TRIM44: variants seen among roughly 807,000 people sequenced by gnomAD.
TRIM44 encodes tripartite motif containing 44.
Under a neutral mutation model 37.4 loss-of-function variants are expected in TRIM44, and 13 were observed. That is an observed-to-expected ratio of 0.35 (90% CI 0.23 to 0.55). The LOEUF is 0.55. Ranked by LOEUF, TRIM44 falls within the 20% of genes least tolerant of loss-of-function variation. TRIM44 has a pLI of 0.89. For synonymous variants in TRIM44, 175 were observed against 157.2 expected (o/e 1.11, Z -0.85); for missense variants, 426 against 437.2 (o/e 0.97, Z 0.23).
At chr11:35,798,813 T>C (rs1853328036) in intron 4 of TRIM44, among the ~76,000 whole-genome samples, 1 of 152,218 alleles carries the variant, frequency 6.6e-6, no homozygotes. Flanking sequence ...AAGGAGACTG[T>C]CAAGTATGAG....
intron 4 of TRIM44, among the ~76,000 whole-genome samples, chr11:35,785,442 C>T (rs1044045441): frequency 1.3e-5 from 2 of 152,242 alleles, no homozygotes; most frequent in Non-Finnish European, 1.5e-5. Context: ...GCAGCGTTGC[C>T]TTCAGGTTTC....
chr11:35,812,296 T>C lies in TRIM44; in HGVS notation c.*5911T>C, dbSNP rs1853537461. Reference sequence around the variant, plus strand: ...AGAGTTAGAGACACCCAACAGAAAGTCGTAATAAGAGAAGATGTCACAGAA... The same window carrying C: ...AGAGTTAGAGACACCCAACAGAAAGCCGTAATAAGAGAAGATGTCACAGAA... On this transcript the variant is annotated 3_prime_UTR_variant, in exon 5 of 5. Coordinates refer to ENST00000299413, the MANE Select transcript of TRIM44 (RefSeq NM_017583.6). 1 of 152,096 alleles carries C rather than the reference T, an allele frequency of 6.6e-6. No homozygotes were observed. The highest frequency in any genetic ancestry group is 1.5e-5 in the Non-Finnish European group (1 of 68,028). 9.4% of individuals were successfully genotyped at this position (152,096 alleles called of 1,614,324 possible).
intron 4 of TRIM44, among the ~76,000 whole-genome samples, chr11:35,787,632 G>A (rs1298088505): frequency 6.6e-6 from 1 of 152,148 alleles, no homozygotes; most frequent in Non-Finnish European, 1.5e-5. Context: ...GCTAATCAGG[G>A]CTGTAAGTGA....
chr11:35,796,236 A>T (rs1722052330), intron 4 of TRIM44, among the ~76,000 whole-genome samples: 1 of 147,592 alleles, frequency 6.8e-6, no homozygotes, highest in South Asian at 2.3e-4. Flanking sequence ...GCGCGCGCGC[A>T]CGTGTGTGTA....
intron 1 of TRIM44, among the ~76,000 whole-genome samples, chr11:35,670,896 C>T (rs1001008708): frequency 6.6e-6 from 1 of 152,182 alleles, no homozygotes; most frequent in African/African-American, 2.4e-5. Context: ...AGAAGCTGCT[C>T]ATTTTGATTC....
rs1590620771 is a variant in TRIM44 at position 35,815,293 on chromosome 11, T to G, written c.*8908T>G. ...TTGGAAGTAACTTTTCTATATTTGG[T>G]TTCTCTCCACACATTATGAGACCTT... On this transcript the variant is annotated 3_prime_UTR_variant, in exon 5 of 5. Coordinates refer to ENST00000299413, the MANE Select transcript of TRIM44 (RefSeq NM_017583.6). 1 of 152,278 alleles carries G rather than the reference T, an allele frequency of 6.6e-6. No individual in the cohort carries two copies. The highest frequency in any genetic ancestry group is 1.9e-4 in the East Asian group (1 of 5,184). 9.4% of individuals were successfully genotyped at this position (152,278 alleles called of 1,614,324 possible).
chr11:35,721,442 A>C (rs1418948760), intron 2 of TRIM44, among the ~76,000 whole-genome samples: 5 of 152,240 alleles, frequency 3.3e-5, no homozygotes, highest in Non-Finnish European at 7.3e-5. Context: ...CAGTAACAAC[A>C]GCAATAGTAA....
At position 35,685,670 on chromosome 11, in the gene TRIM44, C is replaced by CT. The variant is rs1386402558; in HGVS notation, c.747+345dup. On this transcript the variant is annotated intron_variant, in intron 2 of 4. Transcript: ENST00000299413. ...GGCGTCTGAGAGAAATACAGATCAT[C>CT]TTTTTTTTTTTGAGACAGAGTCTCG... Among the ~76,000 whole-genome samples the CT allele has an allele frequency of 7.9e-3, 1,171 of 147,310 alleles. 6 individuals carry two copies. Among genetic ancestry groups the CT allele is most frequent in the Middle Eastern group, 0.014 (4 of 290 alleles).
In TRIM44 at chr11:35,806,569, GCTT is replaced by G; in HGVS notation, c.*187_*189del. ...ATGACCAGTTTTATGCTTACTGTGT[GCTT>G]CTCATCCCCTGGTTGTGGTAGGTCA... On this transcript the variant is annotated 3_prime_UTR_variant, in exon 5 of 5. Coordinates refer to ENST00000299413, the MANE Select transcript of TRIM44 (RefSeq NM_017583.6). 1 of 619,232 alleles carries G rather than the reference GCTT, an allele frequency of 1.6e-6. No individual in the cohort carries two copies. The highest frequency in any genetic ancestry group is 2.9e-6 in the Non-Finnish European group (1 of 350,474). 38.4% of individuals were successfully genotyped at this position (619,232 alleles called of 1,614,324 possible).
intron 4 of TRIM44, among the ~76,000 whole-genome samples, chr11:35,748,057 T>C (rs1852512826): frequency 6.6e-6 from 1 of 152,150 alleles, no homozygotes; most frequent in Non-Finnish European, 1.5e-5. Context: ...AGTGAAGGGT[T>C]GAATCCCTAG....
At position 35,674,235 on chromosome 11, in the gene TRIM44, C is replaced by CGT. The variant is rs113167193; in HGVS notation, c.669+10472_669+10473dup. On this transcript the variant is annotated intron_variant, in intron 1 of 4. Transcript: ENST00000299413. The stretch of plus-strand genomic sequence containing the variant: ...GTGAGTGGGAGAGAGAGAGAATTTG[C>CGT]GTGTGTGTGTGTGTGTGTACACATG... Among the ~76,000 whole-genome samples, 716 of 149,934 alleles carry CGT rather than the reference C, an allele frequency of 4.8e-3. 11 individuals are homozygous for CGT. Among genetic ancestry groups the CGT allele is most frequent in the East Asian group, 0.045 (229 of 5,036 alleles).
chr11:35,667,894 T>C (rs1851349695), intron 1 of TRIM44, among the ~76,000 whole-genome samples: 1 of 152,240 alleles, frequency 6.6e-6, no homozygotes, highest in Non-Finnish European at 1.5e-5. Context: ...TTTTCATTTA[T>C]ATTTATGGGA....
intron 4 of TRIM44, among the ~76,000 whole-genome samples, chr11:35,759,712 AC>A (rs1852696361): frequency 6.6e-6 from 1 of 152,096 alleles, no homozygotes; most frequent in African/African-American, 2.4e-5. Context: ...TTTCCTTCTA[AC>A]AGTCAGGACC....
At chr11:35,664,863 T>G (rs1368402946) in intron 1 of TRIM44, among the ~76,000 whole-genome samples, 2 of 152,256 alleles carry the variant, frequency 1.3e-5, no homozygotes, top group Non-Finnish European at 2.9e-5. Flanking sequence ...ATCTCTCTTC[T>G]GCATAAGTAA....
chr11:35,803,411 G>A, intron 4 of TRIM44, among the ~76,000 whole-genome samples: 1 of 152,150 alleles, frequency 6.6e-6, no homozygotes, highest in East Asian at 1.9e-4. Flanking sequence ...CTTGCAGAAA[G>A]TGAAGACTTT....
chr11:35,759,535 G>A (rs1852694506), intron 4 of TRIM44, among the ~76,000 whole-genome samples: 1 of 152,206 alleles, frequency 6.6e-6, no homozygotes, highest in Non-Finnish European at 1.5e-5. Context: ...TTGTTCCGTT[G>A]CTGGTAAGTA....
Position 35,814,317 on chromosome 11 carries a change from A to G in TRIM44, c.*7932A>G, listed in dbSNP as rs1853557125. ...TTCTAGAAGAAATAATTCAGAAGCA[A>G]AAGACACATGAAGTTATGTGGCAGT... On this transcript the variant is annotated 3_prime_UTR_variant, in exon 5 of 5. Transcript: ENST00000299413. 6.6e-6 allele frequency: 1 copy of G among 152,218 alleles called. No homozygotes were observed. The highest frequency in any genetic ancestry group is 1.5e-5 in the Non-Finnish European group (1 of 68,036). The allele number at this position is 152,218 out of a possible 1,614,324, so 9.4% of individuals were successfully genotyped here.
intron 2 of TRIM44, among the ~76,000 whole-genome samples, chr11:35,701,284 C>T (rs1345786339): frequency 6.6e-6 from 1 of 151,942 alleles, no homozygotes; most frequent in African/African-American, 2.4e-5. Context: ...GAAACGGGGT[C>T]TTTTGCGCAG....
chr11:35,758,402 T>G (rs536521291), intron 4 of TRIM44, among the ~76,000 whole-genome samples: 1 of 152,320 alleles, frequency 6.6e-6, no homozygotes, highest in Admixed American at 6.5e-5. Flanking sequence ...TCTCTGCATG[T>G]GAGATGGGTT....
Sources: gnomAD v4.1 joint callset for allele counts (sites outside exome capture counted in the v4.1 genomes callset) on GRCh38, gnomAD v4.1.1 for gene constraint, MANE v1.5 for transcripts, NCBI Gene and HGNC (gene_info 2026-07-23, HGNC 2026-07-21) for gene names.